The following DGKB variants were observed in gnomAD, a reference collection of about 807,000 sequenced individuals.
The protein encoded by DGKB is diacylglycerol kinase beta.
Under a neutral mutation model 114.3 loss-of-function variants are expected in DGKB, and 67 were observed. The observed-to-expected ratio is 0.59, with a 90% CI of 0.48 to 0.72. The LOEUF is 0.72. DGKB is among the 30% of genes least tolerant of loss of function. DGKB has a pLI of 0.00. For missense variants in DGKB, 907 were observed against 975.2 expected (o/e 0.93, Z 0.93); for synonymous variants, 398 against 323.1 (o/e 1.23, Z -2.49).
Position 14,617,777 on chromosome 7 carries a change from G to GGGTT in DGKB, c.1284+3597_1284+3600dup, listed in dbSNP as rs1035838172. ...TGACCCTAGGCATATACTTACCTTA[G>GGGTT]GGTTGTCCATTCCCCATATATCCAA... On this transcript the variant is annotated intron_variant, in intron 15 of 25. Transcript: ENST00000402815. Among the ~76,000 whole-genome samples the GGGTT allele has an allele frequency of 1.1e-4, 16 of 151,476 alleles. No individual in the cohort carries two copies. The Admixed American group carries it at 1.1e-3, about 10-fold the overall frequency.
intron 21 of DGKB, among the ~76,000 whole-genome samples, chr7:14,430,916 C>A (rs933240786): frequency 6.6e-6 from 1 of 152,172 alleles, no homozygotes; most frequent in African/African-American, 2.4e-5. Flanking sequence ...AATTCTACCT[C>A]TAGATTTGTT....
At chr7:14,263,223 T>G (rs762737354) in intron 23 of DGKB, among the ~76,000 whole-genome samples, 1 of 152,214 alleles carries the variant, frequency 6.6e-6, no homozygotes, top group African/African-American at 2.4e-5. Flanking sequence ...TTTGCAACCC[T>G]ACAACAGCAG....
chr7:14,176,906 G>A lies in DGKB; in HGVS notation c.2244-7C>T, dbSNP rs899706380. On this transcript the variant is annotated splice_polypyrimidine_tract_variant and splice_region_variant and intron_variant, in intron 24 of 25. Transcript: ENST00000402815. Reference sequence around the variant, plus strand: ...TGGCAGAGACTTGCTCGTCCTGGGGGAAAATATTTCATTGTAAGTATTGCA... The same window carrying A: ...TGGCAGAGACTTGCTCGTCCTGGGGAAAAATATTTCATTGTAAGTATTGCA... 13 of 1,613,056 alleles carry A rather than the reference G, an allele frequency of 8.1e-6. No homozygotes were observed. Among genetic ancestry groups the A allele is most frequent in the South Asian group, 1.1e-5 (1 of 91,060 alleles).
chr7:14,177,563 A>C (rs1215985270), intron 24 of DGKB, among the ~76,000 whole-genome samples: 2 of 150,330 alleles, frequency 1.3e-5, no homozygotes, highest in African/African-American at 4.9e-5. Context: ...TCAAAAAAAA[A>C]AAAAAAAAAA....
At chr7:14,796,186 T>G (rs538851326) in intron 2 of DGKB, among the ~76,000 whole-genome samples, 2 of 152,288 alleles carry the variant, frequency 1.3e-5, no homozygotes, top group African/African-American at 4.8e-5. Flanking sequence ...TAACTTGCTT[T>G]AAGAAGGAGC....
rs754913374 is a variant in DGKB, at chr7:14,670,590, C to G, written c.1134+2339G>C. Among the ~76,000 whole-genome samples, 4 of 152,016 alleles carry G rather than the reference C, an allele frequency of 2.6e-5. No individual in the cohort carries two copies. In the East Asian group the frequency reaches 7.7e-4, roughly 29 times the overall value. ...AAAATGCAGGGATTACAGGCGTGAG[C>G]CACCATGCCCAGCCATGTTGTACAA... On this transcript the variant is annotated intron_variant, in intron 13 of 25. Coordinates refer to ENST00000402815, the MANE Select transcript of DGKB (RefSeq NM_001350709.2).
intron 1 of DGKB, among the ~76,000 whole-genome samples, chr7:14,932,195 A>G (rs1417367125): frequency 2.6e-5 from 4 of 152,140 alleles, no homozygotes; most frequent in Non-Finnish European, 5.9e-5. Context: ...GGCTGCAGAA[A>G]GGCACTCACT....
chr7:14,838,330 A>G (rs1468832202), intron 2 of DGKB, among the ~76,000 whole-genome samples: 1 of 152,206 alleles, frequency 6.6e-6, no homozygotes, highest in African/African-American at 2.4e-5. Flanking sequence ...TAGCTATCAT[A>G]GCAATAATTT....
intron 23 of DGKB, among the ~76,000 whole-genome samples, chr7:14,261,468 T>C (rs1796769039): frequency 6.6e-6 from 1 of 152,112 alleles, no homozygotes; most frequent in Non-Finnish European, 1.5e-5. Flanking sequence ...CAGTGAAGGA[T>C]GAGTGAGGAA....
rs1173622205 is a variant in DGKB at position 14,695,494 on chromosome 7, CTTTTT to C, written c.592-1305_592-1301del. Among the ~76,000 whole-genome samples, 9 of 75,170 alleles carry C rather than the reference CTTTTT, an allele frequency of 1.2e-4. No individual in the cohort carries two copies. The South Asian group carries it at 2.6e-3, about 22-fold the overall frequency. 49.3% of individuals were successfully genotyped at this position (75,170 alleles called of 152,430 possible). ...AATGTTCATTTCTCTCTCTCTCTCT[CTTTTT>C]TTTTTTTTTTTTTTTTTTGAGATGG... On this transcript the variant is annotated intron_variant, in intron 8 of 25. Coordinates refer to ENST00000402815, the MANE Select transcript of DGKB (RefSeq NM_001350709.2).
chr7:14,643,454 C>T (rs1455688388), intron 13 of DGKB, among the ~76,000 whole-genome samples: 1 of 152,194 alleles, frequency 6.6e-6, no homozygotes, highest in African/African-American at 2.4e-5. Flanking sequence ...AGAATACATT[C>T]TGACTTGGGC....
At chr7:14,839,941 C>G (rs1296253247) in intron 2 of DGKB, among the ~76,000 whole-genome samples, 2 of 152,058 alleles carry the variant, frequency 1.3e-5, no homozygotes, top group African/African-American at 4.8e-5. Context: ...TTCTAGAATA[C>G]CTTTGAAACT....
chr7:14,669,514 G>A (rs932881501), intron 13 of DGKB, among the ~76,000 whole-genome samples: 1 of 152,126 alleles, frequency 6.6e-6, no homozygotes, highest in Non-Finnish European at 1.5e-5. Context: ...TCTCTTCAGT[G>A]AACATCTTGA....
intron 13 of DGKB, among the ~76,000 whole-genome samples, chr7:14,638,085 G>C (rs1226840171): frequency 6.6e-6 from 1 of 151,880 alleles, no homozygotes. Flanking sequence ...AATATCCAGA[G>C]AAAAACATCT....
chr7:14,665,688 T>C (rs1316025071), intron 13 of DGKB, among the ~76,000 whole-genome samples: 1 of 152,052 alleles, frequency 6.6e-6, no homozygotes, highest in East Asian at 1.9e-4. Flanking sequence ...ATATCTCAAG[T>C]CTTCTTTTGT....
rs185430948 is a variant in DGKB at position 14,161,480 on chromosome 7, G to A, written c.2305-12242C>T. Among the ~76,000 whole-genome samples the A allele has an allele frequency of 1.1e-3, 161 of 152,004 alleles. No individual in the cohort carries two copies. In the Middle Eastern group the frequency reaches 0.038, roughly 36 times the overall value. ...CATATACACCATGGAATACTATGCAGCCATAAAAAAGGATGAATGAGTTCA... is the reference window on the plus strand; with the variant it reads ...CATATACACCATGGAATACTATGCAACCATAAAAAAGGATGAATGAGTTCA... On this transcript the variant is annotated intron_variant, in intron 25 of 25. Coordinates refer to ENST00000402815, the MANE Select transcript of DGKB (RefSeq NM_001350709.2).
intron 1 of DGKB, among the ~76,000 whole-genome samples, chr7:14,952,779 A>G (rs1266897545): frequency 2.6e-5 from 4 of 151,974 alleles, no homozygotes; most frequent in Admixed American, 6.6e-5. Flanking sequence ...AAAATAAAAT[A>G]AAATAAAGTT....
chr7:14,968,584 T>A (rs1056249381), intron 1 of DGKB, among the ~76,000 whole-genome samples: 4 of 152,172 alleles, frequency 2.6e-5, no homozygotes, highest in Non-Finnish European at 4.4e-5. Flanking sequence ...AATCTCAGAC[T>A]TTGAAGGAAC....
chr7:14,640,863 T>C (rs1161434765), intron 13 of DGKB, among the ~76,000 whole-genome samples: 1 of 152,204 alleles, frequency 6.6e-6, no homozygotes, highest in African/African-American at 2.4e-5. Flanking sequence ...CAAGGTGGAA[T>C]TTATCCCTTA....
Sources: allele counts gnomAD v4.1 joint callset (sites outside exome capture counted in the v4.1 genomes callset), GRCh38; gene constraint gnomAD v4.1.1; transcripts MANE v1.5; gene names NCBI Gene and HGNC (gene_info 2026-07-23, HGNC 2026-07-21).